CNTN3: variants seen among roughly 807,000 people sequenced by gnomAD.
CNTN3 encodes contactin 3.
In CNTN3, 60 loss-of-function variants were observed where a neutral mutation model predicts 119.1. That is an observed-to-expected ratio of 0.50 (90% CI 0.41 to 0.62). The LOEUF is 0.62. CNTN3 is among the 20% of genes least tolerant of loss of function. The probability of loss-of-function intolerance (pLI) is 0.00; values close to 1 mark genes in which losing one functional copy is unlikely to be tolerated. For synonymous variants in CNTN3, 450 were observed against 438.7 expected, an observed-to-expected ratio of 1.03 and a Z score of -0.32; for missense variants, 1,101 against 1,242.4, an observed-to-expected ratio of 0.89 and a Z score of 1.71.
chr3:74,515,694 C>T (rs1160129897), intron 2 of CNTN3, among the ~76,000 whole-genome samples: 1 of 151,970 alleles, frequency 6.6e-6, no homozygotes, highest in Non-Finnish European at 1.5e-5. Flanking sequence ...ATTCACTAAG[C>T]CAGTTGGCAT....
chr3:74,297,548 G>C (rs1027108171), intron 18 of CNTN3, among the ~76,000 whole-genome samples: 2 of 152,140 alleles, frequency 1.3e-5, no homozygotes, highest in Admixed American at 6.5e-5. Context: ...TAATCAATTA[G>C]GTCTCCTGCT....
chr3:74,450,811 T>A (rs1408195866), intron 4 of CNTN3, among the ~76,000 whole-genome samples: 2 of 151,888 alleles, frequency 1.3e-5, no homozygotes, highest in Non-Finnish European at 2.9e-5. Flanking sequence ...CGATTCCCAA[T>A]TTCATCCATG....
chr3:74,370,059 T>C (rs1704299830), intron 6 of CNTN3, 68 bp from the exon 7 acceptor site: 1 of 883,996 alleles, frequency 1.1e-6, no homozygotes. Context: ...TTTTCTTAAA[T>C]AAAACTTTCT....
chr3:74,335,051 AG>A (rs1703358450), intron 12 of CNTN3, 141 bp from the exon 13 acceptor site: 1 of 502,350 alleles, frequency 2.0e-6, no homozygotes, highest in African/African-American at 2.0e-5. Context: ...TATAATTAAA[AG>A]TATTCAACAT....
chr3:74,264,570 G>T, intron 22 of CNTN3, 69 bp from the exon 23 acceptor site: 1 of 974,128 alleles, frequency 1.0e-6, no homozygotes, highest in Non-Finnish European at 1.5e-6. Context: ...CTAGAGACTG[G>T]ATATTTGTGG....
chr3:74,559,326 G>A lies in CNTN3; in HGVS notation c.-80-38134C>T, dbSNP rs200076609. ...CAGTGATTTGCATCAGTGGTTTTTC[G>A]GTACTAACAACCCCTGAGATGTTGA... On this transcript the variant is annotated intron_variant, in intron 1 of 22. Coordinates refer to ENST00000263665, the MANE Select transcript of CNTN3 (RefSeq NM_020872.3). Among the ~76,000 whole-genome samples the A allele has an allele frequency of 9.2e-5, 14 of 152,176 alleles. No homozygotes were observed. In the East Asian group the frequency reaches 2.3e-3, roughly 25 times the overall value.
chr3:74,389,949 A>C (rs1575679930), intron 5 of CNTN3, among the ~76,000 whole-genome samples: 1 of 152,194 alleles, frequency 6.6e-6, no homozygotes, highest in Non-Finnish European at 1.5e-5. Context: ...GAAAGACATA[A>C]TTAGGATTCT....
chr3:74,326,504 A>G (rs958553163), intron 13 of CNTN3, among the ~76,000 whole-genome samples: 1 of 152,168 alleles, frequency 6.6e-6, no homozygotes, highest in Non-Finnish European at 1.5e-5. Flanking sequence ...ATTTGAAAAC[A>G]TACAACAAAT....
chr3:74,541,709 C>T (rs1703845243), intron 1 of CNTN3, among the ~76,000 whole-genome samples: 1 of 152,082 alleles, frequency 6.6e-6, no homozygotes, highest in Non-Finnish European at 1.5e-5. Context: ...GTGCTGGGGT[C>T]ATGAGAGTTT....
At chr3:74,411,260 C>T (rs1413512138) in intron 5 of CNTN3, among the ~76,000 whole-genome samples, 5 of 151,936 alleles carry the variant, frequency 3.3e-5, no homozygotes, top group East Asian at 1.9e-4. Context: ...TGAAAATTAG[C>T]GTTTGTACAC....
rs1703537276 is a variant in CNTN3, at chr3:74,521,203, T to C, written c.-80-11A>G. On this transcript the variant is annotated splice_polypyrimidine_tract_variant and intron_variant, in intron 1 of 22. Coordinates refer to ENST00000263665, the MANE Select transcript of CNTN3 (RefSeq NM_020872.3). Reference sequence around the variant, plus strand: ...GGTAAATCCTTTAATCTGTAAAATATATGTACAAAGAAGTTCGTTAAAAAA... The same window carrying C: ...GGTAAATCCTTTAATCTGTAAAATACATGTACAAAGAAGTTCGTTAAAAAA... 3 of 569,706 alleles carry C rather than the reference T, an allele frequency of 5.3e-6. No individual in the cohort carries two copies. The highest frequency in any genetic ancestry group is 3.4e-5 in the South Asian group (1 of 29,462). 35.3% of individuals were successfully genotyped at this position (569,706 alleles called of 1,614,324 possible).
intron 19 of CNTN3, among the ~76,000 whole-genome samples, chr3:74,289,715 G>A (rs186235203): frequency 3.3e-5 from 5 of 152,274 alleles, no homozygotes; most frequent in Admixed American, 2.0e-4. Flanking sequence ...CTGAGCCTTG[G>A]AGAGCTCGAA....
At chr3:74,460,714 G>C (rs1040658774) in intron 4 of CNTN3, among the ~76,000 whole-genome samples, 2 of 136,162 alleles carry the variant, frequency 1.5e-5, no homozygotes, top group African/African-American at 5.5e-5. Context: ...TCCTCTAAAA[G>C]TAGAGATAAT....
intron 4 of CNTN3, among the ~76,000 whole-genome samples, chr3:74,434,096 T>A (rs1559599497): frequency 6.6e-6 from 1 of 152,308 alleles, no homozygotes; most frequent in African/African-American, 2.4e-5. Context: ...AACTTTCTAC[T>A]AGTGAAATTT....
At chr3:74,322,701 T>C (rs1008870891) in intron 13 of CNTN3, among the ~76,000 whole-genome samples, 1 of 152,202 alleles carries the variant, frequency 6.6e-6, no homozygotes, top group Non-Finnish European at 1.5e-5. Flanking sequence ...CAGATGTATA[T>C]AGCAGCTTTA....
At position 74,301,494 on chromosome 3, in the gene CNTN3, G is replaced by A; in HGVS notation, c.1999C>T (p.Pro667Ser). Residue 667 changes from proline (P) to serine (S), a missense_variant, in exon 16 of 23, where the codon CCA becomes TCA. Transcript: ENST00000263665. The stretch of plus-strand genomic sequence containing the variant: ...ACCCGAAATTCATATTCCACCCATG[G>A]GTTTAACTCAACTACAGTGGCTGTG... ...THTATVVELN[P>S]WVEYEFRVVA... 1.2e-6 allele frequency: 2 copies of A among 1,614,074 alleles called. No homozygotes were observed. Among genetic ancestry groups the A allele is most frequent in the Non-Finnish European group, 1.7e-6 (2 of 1,179,974 alleles).
intron 5 of CNTN3, among the ~76,000 whole-genome samples, chr3:74,408,523 T>C (rs1274641257): frequency 6.6e-6 from 1 of 152,144 alleles, no homozygotes; most frequent in Non-Finnish European, 1.5e-5. Flanking sequence ...GGGGACATAA[T>C]TGAGGCCTAA....
intron 1 of CNTN3, among the ~76,000 whole-genome samples, chr3:74,603,749 A>G (rs1704948906): frequency 6.6e-6 from 1 of 152,142 alleles, no homozygotes; most frequent in Non-Finnish European, 1.5e-5. Flanking sequence ...CACCCAAAGC[A>G]ATCTACAGAT....
chr3:74,326,540 T>C (rs931765417), intron 13 of CNTN3, among the ~76,000 whole-genome samples: 1 of 152,142 alleles, frequency 6.6e-6, no homozygotes, highest in South Asian at 2.1e-4. Flanking sequence ...CTTACAGTGC[T>C]ATAGACAACT....
Sources: allele counts gnomAD v4.1 joint callset (sites outside exome capture counted in the v4.1 genomes callset), GRCh38; gene constraint gnomAD v4.1.1; transcripts MANE v1.5; gene names NCBI Gene and HGNC (gene_info 2026-07-23, HGNC 2026-07-21).